ZNF33A: variants seen among roughly 807,000 people sequenced by gnomAD.
ZNF33A encodes the protein zinc finger protein 33A.
In ZNF33A, 9 loss-of-function variants were observed where a neutral mutation model predicts 15.9. The observed-to-expected ratio is 0.57, with a 90% CI of 0.34 to 0.99. ZNF33A has a LOEUF of 0.99. Among genes scored for constraint, ZNF33A ranks in the 50% least tolerant of loss-of-function variants. The pLI, the probability that ZNF33A is intolerant of heterozygous loss-of-function variation, is 0.02. For missense variants in ZNF33A, 843 were observed against 941.6 expected (o/e 0.90, Z 1.37); for synonymous variants, 294 against 324.2 (o/e 0.91, Z 1.00).
intron 4 of ZNF33A, among the ~76,000 whole-genome samples, chr10:38,027,255 A>C (rs1401638132): frequency 6.6e-6 from 1 of 151,812 alleles, no homozygotes; most frequent in East Asian, 1.9e-4. Flanking sequence ...AGTCCTCTTA[A>C]TATACCATTA....
chr10:38,028,113 A>G (rs1421422604), intron 4 of ZNF33A, among the ~76,000 whole-genome samples: 1 of 151,938 alleles, frequency 6.6e-6, no homozygotes, highest in Non-Finnish European at 1.5e-5. Flanking sequence ...CAAAAAAATA[A>G]AATAAATAGT....
At position 38,057,432 on chromosome 10, in the gene ZNF33A, A is replaced by G; in HGVS notation, c.*872A>G. The G allele has an allele frequency of 2.0e-6, 2 of 985,420 alleles. No homozygotes were observed. The highest frequency in any genetic ancestry group is 2.4e-6 in the Non-Finnish European group (2 of 829,926). 61.0% of individuals were successfully genotyped at this position (985,420 alleles called of 1,614,324 possible). On this transcript the variant is annotated 3_prime_UTR_variant, in exon 5 of 5. Transcript: ENST00000432900. ...AGTTCAAAAGACTTATATATGTATA[A>G]GTGGTATGTGATATAAATCGTGTGT... is the stretch of plus-strand genomic sequence containing the variant.
intron 4 of ZNF33A, among the ~76,000 whole-genome samples, chr10:38,042,351 T>A (rs1323676041): frequency 6.6e-6 from 1 of 151,904 alleles, no homozygotes; most frequent in African/African-American, 2.4e-5. Context: ...ACAGCTAATT[T>A]TTGTGTTTTT....
At chr10:38,033,150 T>C (rs2065286039) in intron 4 of ZNF33A, among the ~76,000 whole-genome samples, 1 of 152,236 alleles carries the variant, frequency 6.6e-6, no homozygotes, top group Non-Finnish European at 1.5e-5. Context: ...GCAACCAAAA[T>C]TGAATTTTCT....
chr10:38,034,665 A>C (rs2065360582), intron 4 of ZNF33A, among the ~76,000 whole-genome samples: 1 of 152,186 alleles, frequency 6.6e-6, no homozygotes, highest in Admixed American at 6.5e-5. Context: ...TGCACAACTC[A>C]CACATAAGAA....
intron 4 of ZNF33A, among the ~76,000 whole-genome samples, chr10:38,033,634 T>G (rs1284652306): frequency 6.6e-6 from 1 of 152,186 alleles, no homozygotes; most frequent in African/African-American, 2.4e-5. Context: ...TAATATGTAT[T>G]ATACCAATCC....
rs369124623 is a variant in ZNF33A, at chr10:38,054,524, C to G, written c.400C>G (p.Pro134Ala). ...ATTTAATGTGGATGTAAGTTCTTTTCCTTCCAGAAAAATGTTCTGTCAGTG... is the reference window on the plus strand; with the variant it reads ...ATTTAATGTGGATGTAAGTTCTTTTGCTTCCAGAAAAATGTTCTGTCAGTG... ...IPFNVDVSSF[P>A]SRKMFCQCDS... The change falls in exon 5 of 5, where the codon CCT becomes GCT. Residue 134 changes from proline (P) to alanine (A), a missense_variant. By Grantham distance (27) the Pro-to-Ala change is conservative (BLOSUM62 -1). Transcript: ENST00000432900. 5.0e-6 allele frequency: 8 copies of G among 1,612,496 alleles called. No individual in the cohort carries two copies. Among genetic ancestry groups the G allele is most frequent in the Non-Finnish European group, 5.9e-6 (7 of 1,179,574 alleles).
intron 2 of ZNF33A, 143 bp from the exon 3 acceptor site, chr10:38,016,723 ATATCT>A: frequency 4.5e-6 from 4 of 891,080 alleles, no homozygotes; most frequent in Non-Finnish European, 6.7e-6. Context: ...GCATGAATTA[ATATCT>A]TAATGCATTA....
In ZNF33A at chr10:38,050,509, G is replaced by C. The variant is rs530737940; in HGVS notation, c.251-3866G>C. ...AGTTTTATCTTTGAACTTGTGATTT[G>C]TATGTAAAGTCTGATGGACACTGGA... On this transcript the variant is annotated intron_variant, in intron 4 of 4. Transcript: ENST00000432900. Among the ~76,000 whole-genome samples, 3 of 152,338 alleles carry C rather than the reference G, an allele frequency of 2.0e-5. No homozygotes were observed. The South Asian group carries it at 6.2e-4, about 32-fold the overall frequency.
chr10:38,047,624 C>CAAAAAAAAAAAAAA (rs554054575), intron 4 of ZNF33A, among the ~76,000 whole-genome samples: 18 of 75,008 alleles, frequency 2.4e-4, no homozygotes, highest in Admixed American at 3.5e-4. Flanking sequence ...GACTCTGTCT[C>CAAAAAAAAAAAAAA]AAAAAAAAAA....
intron 4 of ZNF33A, among the ~76,000 whole-genome samples, chr10:38,034,207 G>T (rs1222127617): frequency 6.6e-6 from 1 of 152,304 alleles, no homozygotes; most frequent in East Asian, 1.9e-4. Flanking sequence ...ATTGGTACAT[G>T]ATTATTGACT....
intron 4 of ZNF33A, among the ~76,000 whole-genome samples, chr10:38,025,372 C>A (rs527453541): frequency 1.3e-5 from 2 of 152,286 alleles, no homozygotes; most frequent in South Asian, 4.1e-4. Flanking sequence ...AGCCCTCACC[C>A]CAAGTGTGGT....
At chr10:38,024,971 A>T (rs1590522653) in intron 4 of ZNF33A, among the ~76,000 whole-genome samples, 1 of 152,222 alleles carries the variant, frequency 6.6e-6, no homozygotes, top group African/African-American at 2.4e-5. Context: ...TTTACTTAAT[A>T]ATGGCCCTGA....
chr10:38,047,697 G>A (rs1426869509), intron 4 of ZNF33A, among the ~76,000 whole-genome samples: 1 of 135,218 alleles, frequency 7.4e-6, no homozygotes, highest in Non-Finnish European at 1.6e-5. Flanking sequence ...AGAACTTCAA[G>A]TAGTCTCTAA....
At chr10:38,033,247 C>G (rs764725160) in intron 4 of ZNF33A, among the ~76,000 whole-genome samples, 1 of 152,252 alleles carries the variant, frequency 6.6e-6, no homozygotes, top group South Asian at 2.1e-4. Context: ...CTTAGCATAA[C>G]ATATTCAAGG....
Position 38,049,366 on chromosome 10 carries a change from C to G in ZNF33A, c.251-5009C>G, listed in dbSNP as rs79508850. On this transcript the variant is annotated intron_variant, in intron 4 of 4. Coordinates refer to ENST00000432900, the MANE Select transcript of ZNF33A (RefSeq NM_006954.2). ...TCCTTTTTTCTACTTACTTTTGGGT[C>G]TAATTTGCTTTTTTCTAGCTTTTTA... is the stretch of plus-strand genomic sequence containing the variant. Among the ~76,000 whole-genome samples the G allele has an allele frequency of 2.0e-5, 3 of 151,892 alleles. No homozygotes were observed. In the East Asian group the frequency reaches 5.8e-4, roughly 29 times the overall value.
At chr10:38,064,454 C>G (rs1218889519), downstream of ZNF33A, 1 of 306,048 alleles carries the variant, frequency 3.3e-6, no homozygotes, top group East Asian at 5.5e-5. Flanking sequence ...CAGGTGTCTT[C>G]TCTGGTTTTG....
chr10:38,060,231 A>T (rs1369252473), downstream of ZNF33A, among the ~76,000 whole-genome samples: 1 of 152,132 alleles, frequency 6.6e-6, no homozygotes, highest in African/African-American at 2.4e-5. Flanking sequence ...GGTTCTCTTG[A>T]CATCTGAAGC....
At chr10:38,010,815 A>AG (rs760522445) in intron 1 of ZNF33A, 32 bp downstream of exon 1, 2 of 1,595,750 alleles carry the variant, frequency 1.3e-6, no homozygotes, top group Admixed American at 3.3e-5. Context: ...AGGGAGAGAG[A>AG]GGGAGCCCCG....
Sources: allele counts gnomAD v4.1 joint callset (sites outside exome capture counted in the v4.1 genomes callset), GRCh38; gene constraint gnomAD v4.1.1; transcripts MANE v1.5; gene names NCBI Gene and HGNC (gene_info 2026-07-23, HGNC 2026-07-21).